The following DNM3 variants were observed in gnomAD, a reference collection of about 807,000 sequenced individuals.
The protein encoded by DNM3 is dynamin-3.
DNM3 carries 47 observed loss-of-function variants against 101.6 expected under a neutral mutation model. The observed-to-expected ratio is 0.46, with a 90% CI of 0.37 to 0.59. The LOEUF (loss-of-function observed/expected upper bound fraction) is 0.59. Among genes scored for constraint, DNM3 ranks in the 20% least tolerant of loss-of-function variants. The pLI, the probability that DNM3 is intolerant of heterozygous loss-of-function variation, is 0.00. For missense variants in DNM3, 849 were observed against 1,085.7 expected (o/e 0.78, Z 3.06); for synonymous variants, 385 against 387.9 (o/e 0.99, Z 0.09).
intron 16 of DNM3, among the ~76,000 whole-genome samples, chr1:172,315,017 C>T (rs527608555): frequency 4.3e-4 from 66 of 152,266 alleles, no homozygotes; most frequent in Non-Finnish European, 5.6e-4. Context: ...ACACCTCACA[C>T]GGCCGGGTAC....
chr1:172,356,547 G>A (rs1047511327), intron 17 of DNM3, among the ~76,000 whole-genome samples: 2 of 151,974 alleles, frequency 1.3e-5, no homozygotes, highest in African/African-American at 4.8e-5. Flanking sequence ...AGACTCCTCA[G>A]AATTTTTTTT....
At chr1:172,045,285 G>T (rs1411531498) in intron 9 of DNM3, among the ~76,000 whole-genome samples, 1 of 152,174 alleles carries the variant, frequency 6.6e-6, no homozygotes, top group Non-Finnish European at 1.5e-5. Flanking sequence ...TACAGACTGG[G>T]TGGCTTATAA....
At position 172,218,593 on chromosome 1, in the gene DNM3, T is replaced by A. The variant is rs1000167660; in HGVS notation, c.1660-34980T>A. Among the ~76,000 whole-genome samples, 2 of 152,142 alleles carry A rather than the reference T, an allele frequency of 1.3e-5. 1 individual carries two copies. On this transcript the variant is annotated intron_variant, in intron 14 of 20. Coordinates refer to ENST00000627582, the MANE Select transcript of DNM3 (RefSeq NM_015569.5). Reference sequence around the variant, plus strand: ...TAGAAACGTGGGGGTTTGTGGTATATGATATATACAAAATATTACCTTTAT... The same window carrying A: ...TAGAAACGTGGGGGTTTGTGGTATAAGATATATACAAAATATTACCTTTAT...
intron 14 of DNM3, among the ~76,000 whole-genome samples, chr1:172,253,257 G>A (rs2062252630): frequency 6.6e-6 from 1 of 152,110 alleles, no homozygotes; most frequent in Admixed American, 6.6e-5. Context: ...GGAGGACCAT[G>A]TGTTTTCTTC....
At position 172,131,228 on chromosome 1, in the gene DNM3, C is replaced by A. The variant is rs1490666931; in HGVS notation, c.1599C>A (p.Gly533=). ...GCAACATTGGCATCATGAAAGGCGG[C>A]TCGAAGGGATACTGGTTCGTCCTTA... ...TISNIGIMKG[G]SKGYWFVLTA... is the part of the protein sequence containing the mutation. The change falls in exon 14 of 21, where the codon GGC becomes GGA. Residue 533 remains glycine, a synonymous_variant. Coordinates refer to ENST00000627582, the MANE Select transcript of DNM3 (RefSeq NM_015569.5). 6.2e-7 allele frequency: 1 copy of A among 1,613,382 alleles called. No individual in the cohort carries two copies. The highest frequency in any genetic ancestry group is 1.1e-5 in the South Asian group (1 of 91,052).
intron 2 of DNM3, among the ~76,000 whole-genome samples, chr1:171,968,201 A>G (rs1357227638): frequency 6.6e-6 from 1 of 152,226 alleles, no homozygotes; most frequent in East Asian, 1.9e-4. Flanking sequence ...TCTGCTATTG[A>G]GGCTTCTAAT....
intron 14 of DNM3, among the ~76,000 whole-genome samples, chr1:172,165,315 A>G (rs960350846): frequency 2.6e-5 from 4 of 152,106 alleles, no homozygotes; most frequent in African/African-American, 7.2e-5. Flanking sequence ...CAGGGGAAAA[A>G]AAGGTGAGAG....
intron 17 of DNM3, among the ~76,000 whole-genome samples, chr1:172,362,873 C>G (rs541750527): frequency 1.3e-5 from 2 of 151,902 alleles, no homozygotes; most frequent in East Asian, 3.9e-4. Context: ...TATTTAACCT[C>G]TTAGCAATAT....
intron 12 of DNM3, among the ~76,000 whole-genome samples, chr1:172,088,933 T>C (rs2147793861): frequency 6.6e-6 from 1 of 152,358 alleles, no homozygotes; most frequent in East Asian, 1.9e-4. Flanking sequence ...TTTATAGAAG[T>C]TTAAACTTCT....
In DNM3 at chr1:172,410,602, A is replaced by G. The variant is rs1488949368; in HGVS notation, c.*2761A>G. 1.0e-6 allele frequency: 1 copy of G among 984,776 alleles called. No individual in the cohort carries two copies. The highest frequency in any genetic ancestry group is 1.2e-6 in the Non-Finnish European group (1 of 829,450). The allele number at this position is 984,776 out of a possible 1,614,324, so 61.0% of individuals were successfully genotyped here. On this transcript the variant is annotated 3_prime_UTR_variant, in exon 21 of 21. Transcript: ENST00000627582. ...TATTGAAATAGTATTGATTTAGAAA[A>G]AGTATATTGCATTTCTAAAAAACAT... is the stretch of plus-strand genomic sequence containing the variant.
rs1208352239 is a variant in DNM3, at chr1:172,250,321, G to A, written c.1660-3252G>A. 2.0e-5 allele frequency among the ~76,000 whole-genome samples: 3 copies of A among 152,200 alleles called. No individual in the cohort carries two copies. In the East Asian group the frequency reaches 5.8e-4, roughly 29 times the overall value. On this transcript the variant is annotated intron_variant, in intron 14 of 20. Transcript: ENST00000627582. ...GGGAAAAGATGTATTTGGAAAAGATGTATTTGGTTGAAACAGAAACTTCTT... is the reference window on the plus strand; with the variant it reads ...GGGAAAAGATGTATTTGGAAAAGATATATTTGGTTGAAACAGAAACTTCTT...
At chr1:172,257,897 CACACACACAGACAAACAG>C (rs1256148753) in intron 15 of DNM3, among the ~76,000 whole-genome samples, 6 of 150,328 alleles carry the variant, frequency 4.0e-5, no homozygotes, top group African/African-American at 1.5e-4. Context: ...CACACACACA[CACACACACAGACAAACAG>C]ACACACACAC....
At chr1:172,269,247 C>A (rs2148741045) in intron 15 of DNM3, among the ~76,000 whole-genome samples, 1 of 152,326 alleles carries the variant, frequency 6.6e-6, no homozygotes, top group Middle Eastern at 3.4e-3. Flanking sequence ...TCCTTCACAG[C>A]AAGTTTACTT....
At chr1:172,069,023 A>C in intron 11 of DNM3, 118 bp downstream of exon 11, 6 of 714,874 alleles carry the variant, frequency 8.4e-6, no homozygotes, top group Non-Finnish European at 1.4e-5. Flanking sequence ...AAATAGTGGA[A>C]CACAACTACA....
Position 172,374,657 on chromosome 1 carries a change from A to G in DNM3, c.1894-4361A>G, listed in dbSNP as rs557216577. Among the ~76,000 whole-genome samples, 9 of 152,238 alleles carry G rather than the reference A, an allele frequency of 5.9e-5. 1 individual carries two copies. The South Asian group carries it at 1.0e-3, about 18-fold the overall frequency. Reference sequence around the variant, plus strand: ...AGAAAAGGTAAATAAGATCAACTGCATACCTATGCTATTATTTTGCTATGT... The same window carrying G: ...AGAAAAGGTAAATAAGATCAACTGCGTACCTATGCTATTATTTTGCTATGT... On this transcript the variant is annotated intron_variant, in intron 17 of 20. Coordinates refer to ENST00000627582, the MANE Select transcript of DNM3 (RefSeq NM_015569.5).
At chr1:172,358,758 T>A (rs2067579066) in intron 17 of DNM3, among the ~76,000 whole-genome samples, 1 of 152,012 alleles carries the variant, frequency 6.6e-6, no homozygotes, top group Non-Finnish European at 1.5e-5. Flanking sequence ...ATAAAATAAG[T>A]TGTAGAAGTA....
chr1:172,234,059 G>A lies in DNM3; in HGVS notation c.1660-19514G>A, dbSNP rs979051514. Among the ~76,000 whole-genome samples the A allele has an allele frequency of 3.4e-4, 51 of 152,022 alleles. 1 individual carries two copies. Among genetic ancestry groups the A allele is most frequent in the African/African-American group, 1.1e-3 (47 of 41,486 alleles). Reference sequence around the variant, plus strand: ...TGGCCAGGGCAATCAGGCAGGAGAAGGAAATAAAGGGTATTCAATTAGGAA... The same window carrying A: ...TGGCCAGGGCAATCAGGCAGGAGAAAGAAATAAAGGGTATTCAATTAGGAA... On this transcript the variant is annotated intron_variant, in intron 14 of 20. Transcript: ENST00000627582.
intron 13 of DNM3, 34 bp from the exon 14 acceptor site, chr1:172,131,141 C>A (rs1270598406): frequency 6.3e-7 from 1 of 1,596,476 alleles, no homozygotes; most frequent in Non-Finnish European, 8.6e-7. Context: ...TTTTGTTAAA[C>A]TAAACACCTC....
chr1:172,381,660 G>A lies in DNM3; in HGVS notation c.2058+2478G>A, dbSNP rs1236691255. On this transcript the variant is annotated intron_variant, in intron 18 of 20. Coordinates refer to ENST00000627582, the MANE Select transcript of DNM3 (RefSeq NM_015569.5). ...TTGAGTCCAAGGAAACTGAAACAGT[G>A]AACACCCAGCACTGTGCCATCTAGA... Among the ~76,000 whole-genome samples, 3 of 151,964 alleles carry A rather than the reference G, an allele frequency of 2.0e-5. No homozygotes were observed. The East Asian group carries it at 5.8e-4, about 29-fold the overall frequency.
Sources: gnomAD v4.1 joint callset for allele counts (sites outside exome capture counted in the v4.1 genomes callset) on GRCh38, gnomAD v4.1.1 for gene constraint, MANE v1.5 for transcripts, NCBI Gene and HGNC (gene_info 2026-07-23, HGNC 2026-07-21) for gene names.